ARHGEF3: variants seen among roughly 807,000 people sequenced by gnomAD.
ARHGEF3 encodes the protein 59.8 kDA protein.
Under a neutral mutation model 63.2 loss-of-function variants are expected in ARHGEF3, and 28 were observed. The observed-to-expected ratio is 0.44, with a 90% confidence interval of 0.33 to 0.61. The LOEUF (loss-of-function observed/expected upper bound fraction) is 0.61, where lower values mean the gene tolerates loss of function less well. ARHGEF3 is among the 20% of genes least tolerant of loss of function. The pLI, the probability that ARHGEF3 is intolerant of heterozygous loss-of-function variation, is 0.03. For synonymous variants in ARHGEF3, 266 were observed against 254.2 expected, an observed-to-expected ratio of 1.05 and a Z score of -0.44; for missense variants, 533 against 659.3, an observed-to-expected ratio of 0.81 and a Z score of 2.10.
rs540609855 is a variant in ARHGEF3 at position 56,786,562 on chromosome 3, C to T, written c.97-12746G>A. On this transcript the variant is annotated intron_variant, in intron 1 of 9. Transcript: ENST00000296315. Reference sequence around the variant, plus strand: ...AGAATTTAAAAATACCCAGTAACAACGGATTTTTCCAAAGGTTCATAACAA... The same window carrying T: ...AGAATTTAAAAATACCCAGTAACAATGGATTTTTCCAAAGGTTCATAACAA... Among the ~76,000 whole-genome samples the T allele has an allele frequency of 9.8e-5, 15 of 152,298 alleles. No individual in the cohort carries two copies. The South Asian group carries it at 1.2e-3, about 13-fold the overall frequency.
intron 3 of ARHGEF3, among the ~76,000 whole-genome samples, chr3:56,896,799 G>A (rs773862282): frequency 2.0e-5 from 3 of 152,164 alleles, no homozygotes; most frequent in Non-Finnish European, 4.4e-5. Flanking sequence ...ATTTTTCACA[G>A]GAATATGACA....
intron 3 of ARHGEF3, among the ~76,000 whole-genome samples, chr3:56,945,116 AT>A (rs1383340554): frequency 6.6e-6 from 1 of 152,130 alleles, no homozygotes; most frequent in Non-Finnish European, 1.5e-5. Context: ...TTGTTATCTT[AT>A]TTTAAGAAAT....
At chr3:56,863,402 C>T (rs1471729393) in intron 4 of ARHGEF3, among the ~76,000 whole-genome samples, 3 of 151,942 alleles carry the variant, frequency 2.0e-5, no homozygotes, top group Non-Finnish European at 2.9e-5. Context: ...CAGGTTCAAG[C>T]GATCCTCTCA....
chr3:57,011,377 C>T (rs1021748123), intron 2 of ARHGEF3, among the ~76,000 whole-genome samples: 1 of 152,212 alleles, frequency 6.6e-6, no homozygotes. Context: ...GAGTTGCTCT[C>T]AATCCCCACT....
intron 1 of ARHGEF3, among the ~76,000 whole-genome samples, chr3:57,045,843 C>G (rs1463662): frequency 0.94 from 142,852 of 152,270 alleles, 67,659 homozygotes; most frequent in East Asian, 1. Flanking sequence ...CCTTGGGCAG[C>G]GAAAGATTTT....
chr3:56,826,447 A>G (rs929752110), intron 4 of ARHGEF3, among the ~76,000 whole-genome samples: 6 of 152,154 alleles, frequency 3.9e-5, no homozygotes, highest in Admixed American at 3.3e-4. Context: ...TTCCCTCAAC[A>G]AGATCATAAG....
At chr3:56,788,217 C>T (rs1296057109) in intron 1 of ARHGEF3, among the ~76,000 whole-genome samples, 14 of 152,258 alleles carry the variant, frequency 9.2e-5, no homozygotes, top group Admixed American at 8.5e-4. Flanking sequence ...GGGTGGCGGG[C>T]ATCCAGCATC....
intron 1 of ARHGEF3, among the ~76,000 whole-genome samples, chr3:57,037,407 C>A (rs1382682455): frequency 1.3e-5 from 2 of 152,200 alleles, no homozygotes; most frequent in Admixed American, 1.3e-4. Context: ...GGACTTTACA[C>A]CCACATTCCA....
intron 2 of ARHGEF3, among the ~76,000 whole-genome samples, chr3:56,982,106 T>C (rs1354774625): frequency 6.6e-6 from 1 of 152,128 alleles, no homozygotes; most frequent in African/African-American, 2.4e-5. Context: ...GCAGAAAGCT[T>C]ACCTGAGAAA....
At chr3:56,849,925 C>T (rs1223889884) in intron 4 of ARHGEF3, among the ~76,000 whole-genome samples, 1 of 152,172 alleles carries the variant, frequency 6.6e-6, no homozygotes, top group Non-Finnish European at 1.5e-5. Context: ...TTTTGGAAAA[C>T]ACGCCTTACC....
At chr3:56,999,535 C>G (rs1702111487) in intron 2 of ARHGEF3, among the ~76,000 whole-genome samples, 1 of 152,142 alleles carries the variant, frequency 6.6e-6, no homozygotes, top group Admixed American at 6.5e-5. Context: ...CAAATATTTT[C>G]CAGGCTCACA....
intron 4 of ARHGEF3, among the ~76,000 whole-genome samples, chr3:56,833,519 TGTTG>T (rs1161208893): frequency 4.6e-5 from 7 of 152,342 alleles, no homozygotes; most frequent in African/African-American, 1.7e-4. Context: ...GCTCCCTCCA[TGTTG>T]TTGTATATAG....
intron 2 of ARHGEF3, among the ~76,000 whole-genome samples, chr3:56,992,777 A>C (rs1227377640): frequency 6.6e-6 from 1 of 152,176 alleles, no homozygotes; most frequent in African/African-American, 2.4e-5. Flanking sequence ...TTGTTCACTA[A>C]GTCAACATGG....
At chr3:56,778,474 G>C (rs1050001472) in intron 1 of ARHGEF3, among the ~76,000 whole-genome samples, 1 of 152,088 alleles carries the variant, frequency 6.6e-6, no homozygotes, top group African/African-American at 2.4e-5. Flanking sequence ...AAATAAGTGT[G>C]GCTATATCAT....
At chr3:57,050,694 G>A (rs1376594231) in intron 1 of ARHGEF3, among the ~76,000 whole-genome samples, 1 of 152,224 alleles carries the variant, frequency 6.6e-6, no homozygotes, top group Non-Finnish European at 1.5e-5. Flanking sequence ...AAGCCCCAGG[G>A]CCATGAATAG....
intron 2 of ARHGEF3, among the ~76,000 whole-genome samples, chr3:56,971,921 T>C (rs960534721): frequency 1.1e-4 from 17 of 151,358 alleles, no homozygotes; most frequent in African/African-American, 4.1e-4. Flanking sequence ...TAACCCCACC[T>C]GGTGTGGTTC....
chr3:57,037,567 A>C (rs1371479409), intron 1 of ARHGEF3, among the ~76,000 whole-genome samples: 1 of 152,224 alleles, frequency 6.6e-6, no homozygotes, highest in Admixed American at 6.5e-5. Flanking sequence ...TTCTGTAGAC[A>C]GGCACCAATA....
chr3:56,866,795 C>T (rs1053092485), intron 4 of ARHGEF3, among the ~76,000 whole-genome samples: 1 of 152,206 alleles, frequency 6.6e-6, no homozygotes, highest in Admixed American at 6.5e-5. Context: ...ACTCAATAAA[C>T]ACCCGTTAAG....
intron 3 of ARHGEF3, among the ~76,000 whole-genome samples, chr3:56,936,148 G>A (rs887521972): frequency 6.6e-6 from 1 of 152,252 alleles, no homozygotes; most frequent in South Asian, 2.1e-4. Context: ...CTGAGACTAT[G>A]CCATAAGCTG....
Sources: allele counts gnomAD v4.1 joint callset (sites outside exome capture counted in the v4.1 genomes callset), GRCh38; gene constraint gnomAD v4.1.1; transcripts MANE v1.5; gene names NCBI Gene and HGNC (gene_info 2026-07-23, HGNC 2026-07-21).